Variants in LRRC4B observed in about 807,000 individuals in gnomAD.
LRRC4B encodes the protein leucine-rich repeat-containing protein 4B.
In LRRC4B, 1 loss-of-function variant was observed where a neutral mutation model predicts 7.3. The observed-to-expected ratio is 0.14, with a 90% CI of 0.05 to 0.65. The LOEUF (loss-of-function observed/expected upper bound fraction) is 0.65, where lower values mean the gene tolerates loss of function less well. Among genes scored for constraint, LRRC4B ranks in the 30% least tolerant of loss-of-function variants. The pLI is 0.84. For missense variants in LRRC4B, 730 were observed against 1,041.6 expected (o/e 0.70, Z 4.12); for synonymous variants, 500 against 499.2 (o/e 1.00, Z -0.02).
intron 2 of LRRC4B, among the ~76,000 whole-genome samples, chr19:50,534,700 C>T (rs1324477272): frequency 6.6e-6 from 1 of 152,046 alleles, no homozygotes; most frequent in African/African-American, 2.4e-5. Context: ...TGTAGGGGGA[C>T]TTTCCACTTT....
intron 1 of LRRC4B, chr19:50,550,732 T>C (rs1982019611): frequency 6.6e-6 from 1 of 152,350 alleles, no homozygotes; most frequent in African/African-American, 2.4e-5. Context: ...AGAGGTTGAT[T>C]CTGTGTCCAC....
intron 1 of LRRC4B, among the ~76,000 whole-genome samples, chr19:50,565,316 C>G (rs932366459): frequency 3.9e-5 from 6 of 152,242 alleles, no homozygotes; most frequent in Non-Finnish European, 8.8e-5. Context: ...CACAGGACCA[C>G]AAGGCAAGGG....
chr19:50,547,026 TC>T (rs1981845370), intron 2 of LRRC4B, among the ~76,000 whole-genome samples: 1 of 152,064 alleles, frequency 6.6e-6, no homozygotes, highest in Non-Finnish European at 1.5e-5. Context: ...CTGTTGAACG[TC>T]ACGTGTATAA....
In LRRC4B at chr19:50,517,305, A is replaced by G. The variant is rs981434819; in HGVS notation, c.*266T>C. ...GGAGGAAACGCGGAGAACTCAGGCC[A>G]CTTCTCCTGGGTCCCACGTCCCCTC... On this transcript the variant is annotated 3_prime_UTR_variant, in exon 3 of 3. Transcript: ENST00000652263. The surrounding 1 kb of genome is among the most constrained non-coding windows in gnomAD (Gnocchi z 6.6). 9 of 315,076 alleles carry G rather than the reference A, an allele frequency of 2.9e-5. No individual in the cohort carries two copies. Among genetic ancestry groups the G allele is most frequent in the Non-Finnish European group, 5.2e-5 (9 of 172,020 alleles). 19.5% of individuals were successfully genotyped at this position (315,076 alleles called of 1,614,324 possible).
rs1181723282 is a variant in LRRC4B, at chr19:50,555,109, C to T, written c.-35-6236G>A. 6.6e-6 allele frequency among the ~76,000 whole-genome samples: 1 copy of T among 152,206 alleles called. No individual in the cohort carries two copies. Among genetic ancestry groups the T allele is most frequent in the Non-Finnish European group, 1.5e-5 (1 of 68,034 alleles). ...TGGACTGCCCTCTGCCCCCACGCAC[C>T]CCTAGTAGTGATGGGAAATACTGAT... On this transcript the variant is annotated intron_variant, in intron 1 of 2. Coordinates refer to ENST00000652263, the MANE Select transcript of LRRC4B (RefSeq NM_001080457.2). The surrounding 1 kb of genome is among the most constrained non-coding windows in gnomAD (Gnocchi z 5.2).
At chr19:50,552,695 T>C (rs1323664900) in intron 1 of LRRC4B, among the ~76,000 whole-genome samples, 2 of 149,980 alleles carry the variant, frequency 1.3e-5, no homozygotes, top group East Asian at 2.0e-4. Context: ...CATCCGTCCA[T>C]CCATCCGCCC....
chr19:50,561,504 C>T (rs1599787908), intron 1 of LRRC4B, among the ~76,000 whole-genome samples: 1 of 152,148 alleles, frequency 6.6e-6, no homozygotes, highest in East Asian at 1.9e-4. Flanking sequence ...GAGGCCAAGG[C>T]AAGAGGATCG....
At chr19:50,528,469 C>G (rs371737923) in intron 2 of LRRC4B, among the ~76,000 whole-genome samples, 4 of 152,108 alleles carry the variant, frequency 2.6e-5, no homozygotes, top group African/African-American at 9.7e-5. Context: ...CTCAGCCTCC[C>G]GAGAAGCTGG....
At chr19:50,526,179 T>C (rs892767113) in intron 2 of LRRC4B, among the ~76,000 whole-genome samples, 3 of 152,050 alleles carry the variant, frequency 2.0e-5, no homozygotes, top group African/African-American at 7.2e-5. Flanking sequence ...TGAGAGCCCA[T>C]AAGACACAGT....
chr19:50,526,559 A>AAGG (rs1980815347), intron 2 of LRRC4B, among the ~76,000 whole-genome samples: 1 of 152,072 alleles, frequency 6.6e-6, no homozygotes, highest in Non-Finnish European at 1.5e-5. Flanking sequence ...AGGATAGACG[A>AAGG]AGGATAGGCG....
At chr19:50,559,300 G>A (rs1982388073) in intron 1 of LRRC4B, among the ~76,000 whole-genome samples, 2 of 152,138 alleles carry the variant, frequency 1.3e-5, no homozygotes, top group African/African-American at 4.8e-5. Flanking sequence ...CGTGCCTGGT[G>A]GCGGGCGTCC....
intron 1 of LRRC4B, among the ~76,000 whole-genome samples, chr19:50,552,594 A>ATCCGTCCATCCATCTG: frequency 2.3e-5 from 1 of 43,718 alleles, no homozygotes; most frequent in East Asian, 3.5e-4. Context: ...CCATCTGTCC[A>ATCCGTCCATCCATCTG]TCCATCCATC....
intron 1 of LRRC4B, among the ~76,000 whole-genome samples, chr19:50,561,312 C>T (rs558550645): frequency 1.1e-3 from 172 of 152,232 alleles, no homozygotes; most frequent in African/African-American, 3.6e-3. Flanking sequence ...ACAACCCCCA[C>T]GTCGGTGAGG....
At chr19:50,551,421 C>G (rs1029496386) in intron 1 of LRRC4B, among the ~76,000 whole-genome samples, 1 of 151,240 alleles carries the variant, frequency 6.6e-6, no homozygotes, top group African/African-American at 2.4e-5. Context: ...TCTCTGCTCC[C>G]CTCCCCGCTC....
At chr19:50,530,747 T>A (rs1273165321) in intron 2 of LRRC4B, among the ~76,000 whole-genome samples, 1 of 151,856 alleles carries the variant, frequency 6.6e-6, no homozygotes, top group Non-Finnish European at 1.5e-5. Context: ...TTTTGTTTTT[T>A]TTTTTTGAGA....
intron 2 of LRRC4B, among the ~76,000 whole-genome samples, chr19:50,522,462 A>T (rs897229610): frequency 8.9e-4 from 90 of 101,654 alleles, no homozygotes; most frequent in Admixed American, 6.2e-3. Context: ...TTTATTTATT[A>T]TTTATTTATT....
At position 50,556,015 on chromosome 19, in the gene LRRC4B, G is replaced by C. The variant is rs1982262908; in HGVS notation, c.-35-7142C>G. Among the ~76,000 whole-genome samples, 1 of 152,106 alleles carries C rather than the reference G, an allele frequency of 6.6e-6. No homozygotes were observed. The highest frequency in any genetic ancestry group is 2.4e-5 in the African/African-American group (1 of 41,400). On this transcript the variant is annotated intron_variant, in intron 1 of 2. Transcript: ENST00000652263. This position sits in a 1 kb window ranked among gnomAD's most constrained non-coding sequence, Gnocchi z 4.2. ...CGGGTTCTGGGGGAGGGGACAGGCA[G>C]CGCTGGCGTTCTGAGCCAATCCATG...
At chr19:50,542,873 G>A (rs999593247) in intron 2 of LRRC4B, among the ~76,000 whole-genome samples, 22 of 152,146 alleles carry the variant, frequency 1.4e-4, no homozygotes, top group Non-Finnish European at 2.1e-4. Context: ...CACCAAAGAT[G>A]AATGGCAACG....
At chr19:50,546,454 C>T (rs1483934905) in intron 2 of LRRC4B, among the ~76,000 whole-genome samples, 1 of 152,178 alleles carries the variant, frequency 6.6e-6, no homozygotes, top group Non-Finnish European at 1.5e-5. Context: ...GACAAACACT[C>T]ACAAGCATCC....
Sources: gnomAD v4.1 joint callset for allele counts (sites outside exome capture counted in the v4.1 genomes callset) on GRCh38, gnomAD v4.1.1 for gene constraint, Gnocchi (gnomAD v3.1) non-coding constraint, MANE v1.5 for transcripts, NCBI Gene and HGNC (gene_info 2026-07-23, HGNC 2026-07-21) for gene names.